The following CLEC4F variants were observed in gnomAD, a reference collection of about 807,000 sequenced individuals.
The protein encoded by CLEC4F is C-type (calcium dependent, carbohydrate-recognition domain) lectin, superfamily member 13.
Under a neutral mutation model 53.4 loss-of-function variants are expected in CLEC4F, and 45 were observed. The observed-to-expected ratio is 0.84, with a 90% CI of 0.66 to 1.08. The LOEUF is 1.08. CLEC4F is among the 50% of genes least tolerant of loss of function. CLEC4F has a pLI of 0.00. For synonymous variants in CLEC4F, 245 were observed against 257.5 expected, an observed-to-expected ratio of 0.95 and a Z score of 0.46; for missense variants, 753 against 698.2, an observed-to-expected ratio of 1.08 and a Z score of -0.88.
rs782265913 is a variant in CLEC4F at position 70,816,190 on chromosome 2, C to T, written c.1191G>A (p.Met397Ile). The part of the protein sequence containing the change: ...SREIQTLKQG[M>I]KNASALTSQT... ...GGGAAGTTAAGGCTGAAGCATTCTT[C>T]ATTCCTTGTTTTAGGGTCTGTATCT... Residue 397 changes from methionine (M) to isoleucine (I), a missense_variant, in exon 4 of 7, where the codon ATG (methionine) becomes ATA (isoleucine). By Grantham distance (10) the Met-to-Ile change is conservative. Transcript: ENST00000272367. 2 of 1,614,230 alleles carry T rather than the reference C, an allele frequency of 1.2e-6. No individual in the cohort carries two copies. Among genetic ancestry groups the T allele is most frequent in the Admixed American group, 1.7e-5 (1 of 60,022 alleles).
chr2:70,816,156 T>A lies in CLEC4F; in HGVS notation c.1225A>T (p.Met409Leu), dbSNP rs782074483. The change falls in exon 4 of 7, where the codon ATG becomes TTG. Residue 409 changes from methionine (M) to leucine (L), a missense_variant. Transcript: ENST00000272367. ...NASALTSQTQ[M>L]LDSNLQKASA... is the part of the protein sequence containing the mutation. ...GCCTTCTGCAGATTGCTGTCTAACATCTGGGTCTGGGAAGTTAAGGCTGAA... is the reference window on the plus strand; with the variant it reads ...GCCTTCTGCAGATTGCTGTCTAACAACTGGGTCTGGGAAGTTAAGGCTGAA... 6.2e-7 allele frequency: 1 copy of A among 1,614,206 alleles called. No homozygotes were observed. The highest frequency in any genetic ancestry group is 8.5e-7 in the Non-Finnish European group (1 of 1,180,038).
At chr2:70,811,096 T>G (rs1676532284) in intron 5 of CLEC4F, 2 of 681,702 alleles carry the variant, frequency 2.9e-6, no homozygotes, top group Admixed American at 3.7e-5. Flanking sequence ...AACAAGTGTG[T>G]GTCTAGTATA....
chr2:70,812,826 C>G (rs1244754028), intron 4 of CLEC4F, among the ~76,000 whole-genome samples: 1 of 152,194 alleles, frequency 6.6e-6, no homozygotes, highest in Admixed American at 6.5e-5. Flanking sequence ...CTGGGAGGCT[C>G]AGGCAGCTCT....
chr2:70,820,078 A>C (rs1002548413), intron 1 of CLEC4F, among the ~76,000 whole-genome samples, 187 bp from the exon 2 acceptor site: 6 of 152,216 alleles, frequency 3.9e-5, no homozygotes, highest in Non-Finnish European at 7.3e-5. Flanking sequence ...GCTGTTCACC[A>C]GAGCTAGATG....
At chr2:70,815,311 C>G (rs1676834365) in intron 4 of CLEC4F, among the ~76,000 whole-genome samples, 1 of 152,138 alleles carries the variant, frequency 6.6e-6, no homozygotes. Context: ...TGATCTTTTC[C>G]CCACAGATCT....
At chr2:70,820,402 G>A (rs797042068) in intron 1 of CLEC4F, 61 bp downstream of exon 1, 1 of 1,470,592 alleles carries the variant, frequency 6.8e-7, no homozygotes, top group South Asian at 1.2e-5. Context: ...TATGGCAGAG[G>A]GCCAAAGGAC....
chr2:70,822,825 C>T (rs1339002540), upstream of CLEC4F, among the ~76,000 whole-genome samples: 1 of 152,234 alleles, frequency 6.6e-6, no homozygotes, highest in East Asian at 1.9e-4. Context: ...TTGCTACTTT[C>T]ACCCTCTGTT....
upstream of CLEC4F, among the ~76,000 whole-genome samples, chr2:70,823,805 G>A (rs1458211097): frequency 1.3e-5 from 2 of 152,138 alleles, no homozygotes; most frequent in Non-Finnish European, 2.9e-5. Flanking sequence ...GAGGCAGGTG[G>A]ATCACTTGAG....
rs1173320153 is a variant in CLEC4F at position 70,817,126 on chromosome 2, G to C, written c.269-14C>G. The C allele has an allele frequency of 1.3e-6, 2 of 1,598,652 alleles. No homozygotes were observed. Among genetic ancestry groups the C allele is most frequent in the Non-Finnish European group, 8.5e-7 (1 of 1,176,646 alleles). On this transcript the variant is annotated splice_polypyrimidine_tract_variant and intron_variant, in intron 3 of 6. Coordinates refer to ENST00000272367, the MANE Select transcript of CLEC4F (RefSeq NM_173535.3). ...AGTGGTGATGATCTGGAGGGAGGAA[G>C]TGAAGAAGGCAGCCAAAGAGGCCCA...
At chr2:70,820,383 A>T in intron 1 of CLEC4F, 80 bp downstream of exon 1, 1 of 1,292,720 alleles carries the variant, frequency 7.7e-7, no homozygotes, top group Non-Finnish European at 1.1e-6. Context: ...AGACAGCAAT[A>T]AGCTGCCTTA....
chr2:70,809,357 G>A lies in CLEC4F; in HGVS notation c.1684C>T (p.Leu562Phe). ...GAATTCACAATAATATACTTTCTGA[G>A]TGGGCAGGATCCCTTGGAACCAGGC... Reference protein sequence around the residue: ...KAPGSKGSCPLRKYIIVNSGM... With the variant: ...KAPGSKGSCPFRKYIIVNSGM... Residue 562 changes from leucine (L) to phenylalanine (F), a missense_variant, in exon 7 of 7, where the codon CTC (leucine) becomes TTC (phenylalanine). Coordinates refer to ENST00000272367, the MANE Select transcript of CLEC4F (RefSeq NM_173535.3). 6.2e-7 allele frequency: 1 copy of A among 1,612,580 alleles called. No homozygotes were observed. The highest frequency in any genetic ancestry group is 8.5e-7 in the Non-Finnish European group (1 of 1,179,510).
intron 3 of CLEC4F, 81 bp from the exon 4 acceptor site, chr2:70,817,193 A>G (rs1676973410): frequency 2.8e-6 from 4 of 1,438,740 alleles, no homozygotes; most frequent in Non-Finnish European, 3.7e-6. Flanking sequence ...GAGTGTTTCT[A>G]ACATTTCCAA....
chr2:70,810,867 C>T, intron 5 of CLEC4F: 1 of 553,674 alleles, frequency 1.8e-6, no homozygotes, highest in Non-Finnish European at 3.5e-6. Flanking sequence ...TCAGGTTATC[C>T]TTGGACATCA....
rs1450231074 is a variant in CLEC4F at position 70,820,448 on chromosome 2, C to T, written c.61+15G>A. ...CTCCCTCACTGGGCAAGAGCTGGGG[C>T]CCCAGTTTTCTCACCTTGGGGGTGC... is the stretch of plus-strand genomic sequence containing the variant. On this transcript the variant is annotated intron_variant, in intron 1 of 6. Coordinates refer to ENST00000272367, the MANE Select transcript of CLEC4F (RefSeq NM_173535.3). The T allele has an allele frequency of 6.4e-7, 1 of 1,573,958 alleles. No individual in the cohort carries two copies. Among genetic ancestry groups the T allele is most frequent in the Non-Finnish European group, 8.6e-7 (1 of 1,157,666 alleles).
chr2:70,819,599 C>T (rs1289340430), intron 2 of CLEC4F, among the ~76,000 whole-genome samples, 155 bp from the exon 3 acceptor site: 1 of 152,164 alleles, frequency 6.6e-6, no homozygotes. Flanking sequence ...GGGAGGCTCC[C>T]CCTTGGACAG....
upstream of CLEC4F, among the ~76,000 whole-genome samples, chr2:70,824,913 A>G (rs1339147227): frequency 2.0e-5 from 3 of 152,158 alleles, no homozygotes; most frequent in African/African-American, 7.2e-5. Flanking sequence ...GTAACTTCCT[A>G]CTCTTTCAGT....
rs1302121141 is a variant in CLEC4F at position 70,809,755 on chromosome 2, C to T, written c.1642G>A (p.Ala548Thr). The T allele has an allele frequency of 3.1e-6, 5 of 1,613,786 alleles. No homozygotes were observed. Among genetic ancestry groups the T allele is most frequent in the East Asian group, 2.2e-5 (1 of 44,894 alleles). Residue 548 changes from alanine to threonine, a missense_variant, in exon 6 of 7, where the codon GCC becomes ACC. Coordinates refer to ENST00000272367, the MANE Select transcript of CLEC4F (RefSeq NM_173535.3). ...TAGACTCACGCTTTGTTCTGGGCGG[C>T]GTTGAATGGTGTCCCATCTGTCCAG... Reference protein sequence around the residue: ...WRWTDGTPFNAAQNKAPGSKG... With the variant: ...WRWTDGTPFNTAQNKAPGSKG...
upstream of CLEC4F, among the ~76,000 whole-genome samples, chr2:70,823,430 C>A (rs35856355): frequency 0.32 from 48,243 of 152,000 alleles, 8,606 homozygotes; most frequent in East Asian, 0.52. Flanking sequence ...GTCTTGGTTT[C>A]TGTTTCCCCA....
chr2:70,816,450 C>T lies in CLEC4F; in HGVS notation c.931G>A (p.Asp311Asn), dbSNP rs1553395994. The T allele has an allele frequency of 6.2e-7, 1 of 1,614,094 alleles. No homozygotes were observed. Among genetic ancestry groups the T allele is most frequent in the Non-Finnish European group, 8.5e-7 (1 of 1,180,008 alleles). ...QTQAFIKSSF[D>N]NTSAEIQFLR... ...AACTGGATCTCAGCACTAGTGTTGTCAAAACTGCTTTTTATAAAGGCCTGG... is the reference window on the plus strand; with the variant it reads ...AACTGGATCTCAGCACTAGTGTTGTTAAAACTGCTTTTTATAAAGGCCTGG... The change falls in exon 4 of 7, where the codon GAC becomes AAC. Residue 311 changes from aspartate (D) to asparagine (N), a missense_variant. Transcript: ENST00000272367.
Sources: gnomAD v4.1 joint callset for allele counts (sites outside exome capture counted in the v4.1 genomes callset) on GRCh38, gnomAD v4.1.1 for gene constraint, MANE v1.5 for transcripts, NCBI Gene and HGNC (gene_info 2026-07-23, HGNC 2026-07-21) for gene names.